Variants in PRKG2 observed in about 807,000 individuals in gnomAD.
PRKG2 encodes the protein cGMP-dependent protein kinase 2.
PRKG2 carries 33 observed loss-of-function variants against 97.2 expected under a neutral mutation model. That is an observed-to-expected ratio of 0.34 (90% CI 0.26 to 0.45). The LOEUF (loss-of-function observed/expected upper bound fraction) is 0.45. PRKG2 is among the 20% of genes least tolerant of loss of function. The pLI is 1.00. For missense variants in PRKG2, 638 were observed against 900.0 expected, an observed-to-expected ratio of 0.71 and a Z score of 3.73; for synonymous variants, 330 against 321.8, an observed-to-expected ratio of 1.03 and a Z score of -0.27.
Position 81,142,830 on chromosome 4 carries a change from T to A in PRKG2, c.1371A>T (p.Ala457=), listed in dbSNP as rs201230277. Residue 457 remains alanine (A), a synonymous_variant, in exon 11 of 19, where the codon GCA becomes GCT. Coordinates refer to ENST00000264399, the MANE Select transcript of PRKG2 (RefSeq NM_006259.3). ...TTCCGAACCCACCAACGCCCAGTGT[T>A]GCAATAATCTCAAGGTTCTGGAATG... ...SSPFQNLEII[A]TLGVGGFGRV... is the part of the protein sequence containing the mutation. 1 of 1,611,204 alleles carries A rather than the reference T, an allele frequency of 6.2e-7. No individual in the cohort carries two copies. The highest frequency in any genetic ancestry group is 2.2e-5 in the East Asian group (1 of 44,864).
chr4:81,104,355 G>A lies in PRKG2; in HGVS notation c.2126+15C>T, dbSNP rs17005053. 1 of 1,507,300 alleles carries A rather than the reference G, an allele frequency of 6.6e-7. No individual in the cohort carries two copies. The highest frequency in any genetic ancestry group is 2.0e-5 in the Admixed American group (1 of 50,706). 93.4% of individuals were successfully genotyped at this position (1,507,300 alleles called of 1,614,324 possible). On this transcript the variant is annotated intron_variant, in intron 17 of 18. Transcript: ENST00000264399. Reference sequence around the variant, plus strand: ...AAATTTCTATATTTTTCTGGGCAAAGAAATAATTATGTACCTGTGTTTCTT... The same window carrying A: ...AAATTTCTATATTTTTCTGGGCAAAAAAATAATTATGTACCTGTGTTTCTT...
At position 81,172,606 on chromosome 4, in the gene PRKG2, G is replaced by A. The variant is rs571076799; in HGVS notation, c.629-802C>T. Among the ~76,000 whole-genome samples the A allele has an allele frequency of 2.0e-5, 3 of 152,030 alleles. No individual in the cohort carries two copies. The South Asian group carries it at 6.2e-4, about 32-fold the overall frequency. ...TTCACTATTTTTCTTTTTTTGCCTT[G>A]GCAGCTTTACTCTTCTTTTGCTTTG... is the stretch of plus-strand genomic sequence containing the variant. On this transcript the variant is annotated intron_variant, in intron 3 of 18. Coordinates refer to ENST00000264399, the MANE Select transcript of PRKG2 (RefSeq NM_006259.3).
intron 2 of PRKG2, among the ~76,000 whole-genome samples, chr4:81,190,676 G>C (rs570194512): frequency 3.3e-5 from 5 of 152,154 alleles, no homozygotes; most frequent in Admixed American, 2.6e-4. Context: ...GAAAAAGTTT[G>C]CAATCTTTCT....
At chr4:81,163,129 G>T (rs753702937) in intron 6 of PRKG2, among the ~76,000 whole-genome samples, 2 of 152,082 alleles carry the variant, frequency 1.3e-5, no homozygotes, top group African/African-American at 2.4e-5. Flanking sequence ...CAAAACCATG[G>T]GAGGAAGATA....
intron 2 of PRKG2, among the ~76,000 whole-genome samples, chr4:81,189,993 C>G (rs1217683165): frequency 6.6e-6 from 1 of 152,096 alleles, no homozygotes; most frequent in African/African-American, 2.4e-5. Context: ...GTGAAAATGG[C>G]CATACTGCCC....
rs1022054880 is a variant in PRKG2, at chr4:81,105,131, C to T, written c.2063+682G>A. On this transcript the variant is annotated intron_variant, in intron 16 of 18. Coordinates refer to ENST00000264399, the MANE Select transcript of PRKG2 (RefSeq NM_006259.3). ...AATTTATGTGGCACATGAGAAAATT[C>T]GTTACGCGTATATAATGCCTAGTGA... Among the ~76,000 whole-genome samples, 5 of 152,100 alleles carry T rather than the reference C, an allele frequency of 3.3e-5. No homozygotes were observed. In the East Asian group the frequency reaches 5.8e-4, roughly 18 times the overall value.
At chr4:81,119,151 C>A (rs1744836175) in intron 14 of PRKG2, among the ~76,000 whole-genome samples, 1 of 152,114 alleles carries the variant, frequency 6.6e-6, no homozygotes, top group African/African-American at 2.4e-5. Context: ...TCTCATGGAT[C>A]TTGCCTTTGG....
chr4:81,194,185 T>C (rs1027894747), intron 2 of PRKG2, among the ~76,000 whole-genome samples: 1 of 152,172 alleles, frequency 6.6e-6, no homozygotes, highest in African/African-American at 2.4e-5. Flanking sequence ...TATTACTTAA[T>C]ACCTAGAACT....
intron 14 of PRKG2, among the ~76,000 whole-genome samples, chr4:81,130,378 G>A (rs1189719712): frequency 6.6e-6 from 1 of 152,162 alleles, no homozygotes; most frequent in Non-Finnish European, 1.5e-5. Flanking sequence ...TCCCAGAGGG[G>A]CACCTGCCAG....
chr4:81,157,556 G>A (rs1749214316), intron 6 of PRKG2, among the ~76,000 whole-genome samples: 1 of 152,186 alleles, frequency 6.6e-6, no homozygotes, highest in Non-Finnish European at 1.5e-5. Flanking sequence ...TAGAAAAAGA[G>A]GGAATCCTCC....
intron 6 of PRKG2, chr4:81,154,336 G>A (rs952181140): frequency 2.6e-5 from 4 of 152,428 alleles, no homozygotes; most frequent in African/African-American, 9.7e-5. Context: ...CAAACAAAAA[G>A]ACAGCAGTAA....
chr4:81,100,295 G>A (rs1015283850), intron 17 of PRKG2, among the ~76,000 whole-genome samples: 6 of 152,066 alleles, frequency 3.9e-5, no homozygotes, highest in Admixed American at 6.6e-5. Context: ...GAGGCATCAC[G>A]CTACCTGACT....
Position 81,204,574 on chromosome 4 carries a change from G to T in PRKG2, c.461+13C>A. Reference sequence around the variant, plus strand: ...AAGCCCATCTGAGTTTAAAGGATGCGGAAATTTCTTACCTGGAGTCTTTTC... The same window carrying T: ...AAGCCCATCTGAGTTTAAAGGATGCTGAAATTTCTTACCTGGAGTCTTTTC... On this transcript the variant is annotated intron_variant, in intron 2 of 18. Transcript: ENST00000264399. 2 of 1,605,836 alleles carry T rather than the reference G, an allele frequency of 1.2e-6. No homozygotes were observed. Among genetic ancestry groups the T allele is most frequent in the Non-Finnish European group, 1.7e-6 (2 of 1,175,752 alleles).
chr4:81,163,772 ATCT>A (rs1291079987), intron 6 of PRKG2, among the ~76,000 whole-genome samples: 2 of 152,066 alleles, frequency 1.3e-5, no homozygotes, highest in Non-Finnish European at 2.9e-5. Flanking sequence ...GCAGCTACAA[ATCT>A]TCTTTATAAG....
intron 7 of PRKG2, among the ~76,000 whole-genome samples, chr4:81,153,106 G>A: frequency 6.6e-6 from 1 of 152,100 alleles, no homozygotes; most frequent in African/African-American, 2.4e-5. Flanking sequence ...CAATATCTAG[G>A]TAAAGAAAAA....
intron 18 of PRKG2, among the ~76,000 whole-genome samples, chr4:81,091,718 G>A (rs1741554415): frequency 6.6e-6 from 1 of 151,948 alleles, no homozygotes; most frequent in Non-Finnish European, 1.5e-5. Flanking sequence ...CAATCTTTTG[G>A]AAAAAACACT....
chr4:81,110,363 C>T, intron 15 of PRKG2, 85 bp downstream of exon 15: 1 of 1,381,918 alleles, frequency 7.2e-7, no homozygotes, highest in Non-Finnish European at 9.9e-7. Context: ...ATGTTACGCT[C>T]TTAAAGTATA....
At chr4:81,138,906 T>A (rs1194281366) in intron 12 of PRKG2, among the ~76,000 whole-genome samples, 1 of 152,166 alleles carries the variant, frequency 6.6e-6, no homozygotes, top group Non-Finnish European at 1.5e-5. Context: ...GGTTCAAACT[T>A]CTTTGTTGAT....
chr4:81,162,424 G>C (rs896480576), intron 6 of PRKG2, among the ~76,000 whole-genome samples: 1 of 152,070 alleles, frequency 6.6e-6, no homozygotes. Context: ...TTTCATGCAT[G>C]TGTCTTTATA....
Sources: allele counts gnomAD v4.1 joint callset (sites outside exome capture counted in the v4.1 genomes callset), GRCh38; gene constraint gnomAD v4.1.1; transcripts MANE v1.5; gene names NCBI Gene and HGNC (gene_info 2026-07-23, HGNC 2026-07-21).